Variants in RAD51B observed in about 807,000 individuals in gnomAD.
RAD51B encodes DNA repair protein RAD51 homolog 2.
RAD51B carries 38 observed loss-of-function variants against 42.2 expected under a neutral mutation model. The ratio of observed to expected loss-of-function variants is 0.90; its 90% CI spans 0.70 to 1.18. RAD51B has a LOEUF of 1.18. Among genes scored for constraint, RAD51B ranks in the 50% most tolerant of loss-of-function variants. The probability of loss-of-function intolerance (pLI) is 0.00; values close to 1 mark genes in which losing one functional copy is unlikely to be tolerated. For missense variants in RAD51B, 373 were observed against 400.7 expected, an observed-to-expected ratio of 0.93 and a Z score of 0.59; for synonymous variants, 154 against 145.2, an observed-to-expected ratio of 1.06 and a Z score of -0.43.
At chr14:68,174,694 T>G (rs919271181) in intron 7 of RAD51B, among the ~76,000 whole-genome samples, 1 of 152,178 alleles carries the variant, frequency 6.6e-6, no homozygotes, top group African/African-American at 2.4e-5. Context: ...GCTTCTAATA[T>G]ACACATGACT....
chr14:67,903,366 C>A (rs1449027012), intron 7 of RAD51B, among the ~76,000 whole-genome samples: 1 of 152,038 alleles, frequency 6.6e-6, no homozygotes, highest in African/African-American at 2.4e-5. Flanking sequence ...TGAAGTGTAA[C>A]CTAAATATTT....
At chr14:68,291,849 C>T (rs747451723) in intron 7 of RAD51B, 35 bp from the exon 8 acceptor site, 3 of 1,518,614 alleles carry the variant, frequency 2.0e-6, no homozygotes, top group Non-Finnish European at 1.8e-6. Context: ...TTTCTTCTCC[C>T]TTGCCCCCTA....
chr14:68,634,062 A>G (rs1892292977), intron 10 of RAD51B, among the ~76,000 whole-genome samples: 1 of 152,178 alleles, frequency 6.6e-6, no homozygotes, highest in Non-Finnish European at 1.5e-5. Flanking sequence ...TGCATCAAGA[A>G]TCTGGGCTCC....
intron 10 of RAD51B, chr14:68,563,111 G>C: frequency 3.0e-6 from 3 of 985,456 alleles, no homozygotes; most frequent in Non-Finnish European, 3.6e-6. Flanking sequence ...TGACTCTGCC[G>C]GGTTCAGAGA....
At chr14:68,582,567 C>T (rs747011868) in intron 10 of RAD51B, among the ~76,000 whole-genome samples, 4 of 152,114 alleles carry the variant, frequency 2.6e-5, no homozygotes, top group African/African-American at 4.8e-5. Context: ...GAGTATAATT[C>T]GTCCAACCAT....
intron 4 of RAD51B, among the ~76,000 whole-genome samples, chr14:67,847,331 T>G (rs1364090490): frequency 1.4e-5 from 1 of 69,964 alleles, no homozygotes; most frequent in Non-Finnish European, 3.4e-5. Flanking sequence ...TTGTTCTTTT[T>G]TTTTTTTTTT....
At chr14:68,242,020 A>G (rs865998721) in intron 7 of RAD51B, among the ~76,000 whole-genome samples, 7 of 152,290 alleles carry the variant, frequency 4.6e-5, no homozygotes, top group African/African-American at 1.2e-4. Context: ...CAGCCTGGCT[A>G]TACCTCAGCT....
chr14:68,069,751 T>A (rs1413763361), intron 7 of RAD51B: 2 of 152,184 alleles, frequency 1.3e-5, no homozygotes, highest in Non-Finnish European at 2.9e-5. Flanking sequence ...AACATATGCA[T>A]GCATGTGTCT....
rs138546781 is a variant in RAD51B, at chr14:68,539,003, A to G, written c.1037-55482A>G. On this transcript the variant is annotated intron_variant, in intron 10 of 10. Transcript: ENST00000487270. ...AACACATTGTTTTTGCCTCTTTTCT[A>G]CAACTTCCCTCAAAGAAAGTTTTTT... 1.7e-4 allele frequency among the ~76,000 whole-genome samples: 26 copies of G among 152,342 alleles called. 2 individuals carry two copies. The East Asian group carries it at 5.0e-3, about 29-fold the overall frequency.
At chr14:67,823,371 A>G in intron 1 of RAD51B, 171 bp from the exon 2 acceptor site, 1 of 480,294 alleles carries the variant, frequency 2.1e-6, no homozygotes, top group Non-Finnish European at 3.7e-6. Context: ...ACATTTAAAA[A>G]GGTTCTATAG....
intron 8 of RAD51B, among the ~76,000 whole-genome samples, chr14:68,307,039 C>G (rs1245127659): frequency 6.7e-6 from 1 of 149,926 alleles, no homozygotes; most frequent in East Asian, 1.9e-4. Flanking sequence ...TGGAATTTGA[C>G]AGGGTCAGTT....
chr14:68,603,407 G>C (rs1399081438), intron 10 of RAD51B, among the ~76,000 whole-genome samples: 1 of 152,194 alleles, frequency 6.6e-6, no homozygotes, highest in African/African-American at 2.4e-5. Context: ...GTAGGGATGG[G>C]TGGCTTCTAT....
intron 7 of RAD51B, among the ~76,000 whole-genome samples, chr14:68,184,092 CAA>C (rs148664784): frequency 0.76 from 85,777 of 112,996 alleles, 31,820 homozygotes; most frequent in East Asian, 0.96. Context: ...GACTCCATCT[CAA>C]AAAAAAAAAA....
chr14:68,571,096 G>A (rs1889679956), intron 10 of RAD51B, among the ~76,000 whole-genome samples: 1 of 152,300 alleles, frequency 6.6e-6, no homozygotes, highest in Non-Finnish European at 1.5e-5. Flanking sequence ...GAGGGGGGAG[G>A]CAGAGACTGT....
At chr14:67,871,885 C>T (rs1417703552) in intron 5 of RAD51B, among the ~76,000 whole-genome samples, 1 of 152,162 alleles carries the variant, frequency 6.6e-6, no homozygotes, top group Non-Finnish European at 1.5e-5. Context: ...CAAAATTCAA[C>T]AGCCCTTCAT....
chr14:68,270,347 G>A (rs778603422), intron 7 of RAD51B, among the ~76,000 whole-genome samples: 3 of 152,220 alleles, frequency 2.0e-5, no homozygotes, highest in Non-Finnish European at 4.4e-5. Context: ...TTATTAGAGA[G>A]TCTGGAATAG....
At chr14:67,867,285 A>G (rs1308095061) in intron 5 of RAD51B, among the ~76,000 whole-genome samples, 1 of 152,202 alleles carries the variant, frequency 6.6e-6, no homozygotes. Flanking sequence ...ACTGCTGCAG[A>G]TAACTGAGTA....
At position 68,165,843 on chromosome 14, in the gene RAD51B, GTT is replaced by G. The variant is rs1259796815; in HGVS notation, c.757-126038_757-126037del. 5.3e-5 allele frequency among the ~76,000 whole-genome samples: 8 copies of G among 152,186 alleles called. No homozygotes were observed. The South Asian group carries it at 1.7e-3, about 32-fold the overall frequency. On this transcript the variant is annotated intron_variant, in intron 7 of 10. Coordinates refer to ENST00000471583, the MANE Select transcript of RAD51B (RefSeq NM_133510.4). ...CAAGTACTTTATAAAATTATTTTTA[GTT>G]TTGCATGCTGTATAATAATCCATCT...
intron 7 of RAD51B, among the ~76,000 whole-genome samples, chr14:68,241,218 C>CTT (rs1223724380): frequency 6.6e-6 from 1 of 152,152 alleles, no homozygotes; most frequent in Non-Finnish European, 1.5e-5. Flanking sequence ...TTCTTTCTTC[C>CTT]TTTGTTATGA....
Sources: gnomAD v4.1 joint callset for allele counts (sites outside exome capture counted in the v4.1 genomes callset) on GRCh38, gnomAD v4.1.1 for gene constraint, MANE v1.5 for transcripts, NCBI Gene and HGNC (gene_info 2026-07-23, HGNC 2026-07-21) for gene names.